Variants in ADAM19 observed in about 807,000 individuals in gnomAD.
The protein encoded by ADAM19 is disintegrin and metalloproteinase domain-containing protein 19.
Under a neutral mutation model 114.7 loss-of-function variants are expected in ADAM19, and 65 were observed. That is an observed-to-expected ratio of 0.57 (90% CI 0.46 to 0.70). The LOEUF is 0.70. Ranked by LOEUF, ADAM19 falls within the 30% of genes least tolerant of loss-of-function variation. ADAM19 has a pLI of 0.00. For missense variants in ADAM19, 1,063 were observed against 1,204.7 expected, an observed-to-expected ratio of 0.88 and a Z score of 1.74; for synonymous variants, 466 against 460.5, an observed-to-expected ratio of 1.01 and a Z score of -0.15.
chr5:157,516,174 C>G (rs954400086), intron 7 of ADAM19, among the ~76,000 whole-genome samples: 2 of 152,164 alleles, frequency 1.3e-5, no homozygotes, highest in African/African-American at 4.8e-5. Context: ...GATTCGTGAG[C>G]CTGTGAACCC....
intron 5 of ADAM19, among the ~76,000 whole-genome samples, chr5:157,528,768 A>G (rs764346292): frequency 2.6e-5 from 4 of 152,162 alleles, no homozygotes; most frequent in African/African-American, 9.7e-5. Context: ...AAAAACCCTT[A>G]TGTTTAAAAG....
At chr5:157,499,773 CTTTT>C (rs553103564) in intron 12 of ADAM19, 111 bp from the exon 13 acceptor site, 4,161 of 413,710 alleles carry the variant, frequency 0.01, 3 homozygotes, top group Middle Eastern at 0.017. Flanking sequence ...GCAACTATCT[CTTTT>C]TTTTTTTTTT....
chr5:157,507,801 T>C (rs1220861143), intron 9 of ADAM19, among the ~76,000 whole-genome samples: 1 of 152,032 alleles, frequency 6.6e-6, no homozygotes, highest in African/African-American at 2.4e-5. Context: ...AATACATCCC[T>C]CTTTCAGTTA....
At chr5:157,500,886 CCA>C (rs563460188) in intron 12 of ADAM19, among the ~76,000 whole-genome samples, 75 of 152,288 alleles carry the variant, frequency 4.9e-4, no homozygotes, top group African/African-American at 1.7e-3. Context: ...ACAGATCTCT[CCA>C]CCACAGCCTT....
chr5:157,489,107 G>A lies in ADAM19; in HGVS notation c.2320C>T (p.Arg774Ter), dbSNP rs1240821043. ...CAGTGGTGCAAAGCTCTTACCTTTCGCTTGCCCTGGGGCGTCTGCAGCTTG... is the reference window on the plus strand; with the variant it reads ...CAGTGGTGCAAAGCTCTTACCTTTCACTTGCCCTGGGGCGTCTGCAGCTTG... ...TFKLQTPQGK[R>*]KVINTPEILR... Residue 774 changes from arginine (R) to a stop codon, truncating the protein, a stop_gained, in exon 20 of 23, where the codon CGA (arginine) becomes TGA (stop). Coordinates refer to ENST00000257527, the MANE Select transcript of ADAM19 (RefSeq NM_033274.5). LOFTEE classifies it high-confidence loss of function. 6 of 1,613,756 alleles carry A rather than the reference G, an allele frequency of 3.7e-6. No homozygotes were observed. Among genetic ancestry groups the A allele is most frequent in the African/African-American group, 1.3e-5 (1 of 75,010 alleles).
At chr5:157,510,007 C>T (rs1044416921) in intron 8 of ADAM19, among the ~76,000 whole-genome samples, 1 of 152,230 alleles carries the variant, frequency 6.6e-6, no homozygotes, top group East Asian at 1.9e-4. Context: ...CTGTCTGGTA[C>T]AATTTTTTTC....
rs1410419504 is a variant in ADAM19 at position 157,477,917 on chromosome 5, G to A, written c.*3032C>T. On this transcript the variant is annotated 3_prime_UTR_variant, in exon 23 of 23. Transcript: ENST00000257527. ...GACCTTAAGATCTGCAAGTGTCTCA[G>A]AGCTGGGGCAGAAAAAGGCTTTACT... 1.2e-5 allele frequency: 4 copies of A among 332,202 alleles called. No individual in the cohort carries two copies. Among genetic ancestry groups the A allele is most frequent in the Non-Finnish European group, 1.8e-5 (3 of 169,130 alleles). The allele number at this position is 332,202 out of a possible 1,614,324, so 20.6% of individuals were successfully genotyped here. A position where few individuals can be genotyped will look rare whatever the true frequency, so the allele number is the denominator to read the frequency against.
rs757945861 is a variant in ADAM19 at position 157,479,102 on chromosome 5, C to A, written c.*1847G>T. The A allele has an allele frequency of 6.1e-6, 6 of 985,724 alleles. No homozygotes were observed. The highest frequency in any genetic ancestry group is 4.7e-5 in the South Asian group (1 of 21,282). The allele number at this position is 985,724 out of a possible 1,614,324, so 61.1% of individuals were successfully genotyped here. A position where few individuals can be genotyped will look rare whatever the true frequency, so the allele number is the denominator to read the frequency against. ...GCCACAGGAAAGGTGGGGAATGGATCTCCACAGCAAGGATGACCCACAGCA... is the reference window on the plus strand; with the variant it reads ...GCCACAGGAAAGGTGGGGAATGGATATCCACAGCAAGGATGACCCACAGCA... On this transcript the variant is annotated 3_prime_UTR_variant, in exon 23 of 23. Coordinates refer to ENST00000257527, the MANE Select transcript of ADAM19 (RefSeq NM_033274.5).
At chr5:157,489,342 TCCTAAGTAGAAA>T (rs1561841909) in intron 19 of ADAM19, among the ~76,000 whole-genome samples, 156 bp from the exon 20 acceptor site, 2 of 152,140 alleles carry the variant, frequency 1.3e-5, no homozygotes, top group Non-Finnish European at 2.9e-5. Flanking sequence ...AACCACATCT[TCCTAAGTAGAAA>T]AACGTGTGGC....
rs1561841733 is a variant in ADAM19 at position 157,489,136 on chromosome 5, G to T, written c.2291C>A (p.Thr764Asn). The change falls in exon 20 of 23, where the codon ACT becomes AAT. Residue 764 changes from threonine to asparagine, a missense_variant. By Grantham distance (65) the Thr-to-Asn change is moderately conservative (BLOSUM62 0). This residue lies in a region of ADAM19 where 424 missense variants were observed against 445.5 expected (regional missense o/e 0.95). Coordinates refer to ENST00000257527, the MANE Select transcript of ADAM19 (RefSeq NM_033274.5). ...GCCCTGGGGCGTCTGCAGCTTGAAAGTTGGGTTGGCATGACCAGTCCCGCT... is the reference window on the plus strand; with the variant it reads ...GCCCTGGGGCGTCTGCAGCTTGAAATTTGGGTTGGCATGACCAGTCCCGCT... ...QNSGTGHANP[T>N]FKLQTPQGKR... The T allele has an allele frequency of 1.2e-6, 2 of 1,614,080 alleles. No individual in the cohort carries two copies. The highest frequency in any genetic ancestry group is 2.2e-5 in the East Asian group (1 of 44,898).
intron 5 of ADAM19, among the ~76,000 whole-genome samples, chr5:157,528,955 T>C (rs1329927171): frequency 1.3e-5 from 2 of 152,142 alleles, no homozygotes; most frequent in African/African-American, 2.4e-5. Flanking sequence ...ATTGAATGAA[T>C]GAAGCAATCA....
chr5:157,505,562 A>G lies in ADAM19; in HGVS notation c.1130+107T>C, dbSNP rs1755715533. The G allele has an allele frequency of 8.4e-6, 11 of 1,309,864 alleles. No homozygotes were observed. The South Asian group carries it at 1.9e-4, about 22-fold the overall frequency. The allele number at this position is 1,309,864 out of a possible 1,614,324, so 81.1% of individuals were successfully genotyped here. On this transcript the variant is annotated intron_variant, in intron 11 of 22. Coordinates refer to ENST00000257527, the MANE Select transcript of ADAM19 (RefSeq NM_033274.5). ...AAAAACTACATTTTTTGGCCCCATC[A>G]GAAGTTTAAGGGAGTCTCAGTGGGG... is the stretch of plus-strand genomic sequence containing the variant.
chr5:157,520,907 A>T (rs1756268346), intron 5 of ADAM19, among the ~76,000 whole-genome samples: 1 of 152,222 alleles, frequency 6.6e-6, no homozygotes, highest in African/African-American at 2.4e-5. Flanking sequence ...AGAAACTCAC[A>T]GTCCTCTGGA....
At chr5:157,537,370 G>A (rs549334802) in intron 4 of ADAM19, among the ~76,000 whole-genome samples, 30 of 152,202 alleles carry the variant, frequency 2.0e-4, no homozygotes, top group African/African-American at 6.3e-4. Context: ...TTGACATTGC[G>A]TAAACATCCC....
chr5:157,564,955 A>G (rs1029006090), intron 2 of ADAM19, among the ~76,000 whole-genome samples: 1 of 152,212 alleles, frequency 6.6e-6, no homozygotes, highest in African/African-American at 2.4e-5. Flanking sequence ...GCCATGATAC[A>G]TATTGCCTAT....
chr5:157,498,854 T>G (rs1200434660), intron 13 of ADAM19, among the ~76,000 whole-genome samples: 5 of 151,976 alleles, frequency 3.3e-5, no homozygotes, highest in Non-Finnish European at 7.4e-5. Context: ...TAGGAGTGAT[T>G]TTTTTTTAAA....
intron 3 of ADAM19, among the ~76,000 whole-genome samples, chr5:157,556,069 T>C (rs192573921): frequency 5.3e-5 from 8 of 152,098 alleles, no homozygotes; most frequent in Admixed American, 4.6e-4. Flanking sequence ...TGAGACGGAG[T>C]CTCGCTCTGT....
At chr5:157,506,561 T>C (rs1755748520) in intron 10 of ADAM19, among the ~76,000 whole-genome samples, 1 of 152,170 alleles carries the variant, frequency 6.6e-6, no homozygotes, top group South Asian at 2.1e-4. Context: ...GACAGACAAA[T>C]AGATGAAGAC....
In ADAM19 at chr5:157,496,897, G is replaced by T; in HGVS notation, c.1591C>A (p.Pro531Thr). The T allele has an allele frequency of 6.4e-7, 1 of 1,574,394 alleles. No homozygotes were observed. The highest frequency in any genetic ancestry group is 8.6e-7 in the Non-Finnish European group (1 of 1,162,520). The change falls in exon 14 of 23, where the codon CCC (proline) becomes ACC (threonine). Residue 531 changes from proline (P) to threonine (T), a missense_variant. Physicochemically the swap from Pro to Thr is conservative, Grantham distance 38 (BLOSUM62 -1). This residue lies in a region of ADAM19 where 615 missense variants were observed against 706.3 expected (regional missense o/e 0.87). Coordinates refer to ENST00000257527, the MANE Select transcript of ADAM19 (RefSeq NM_033274.5). ...GTGCTCCCCAGGAGAGCCTTACCGG[G>T]TCCCCACAGCTGCTGGCACTGCTCC... is the stretch of plus-strand genomic sequence containing the variant. ...YQEQCQQLWG[P>T]GARPAPDLCF...
Sources: allele counts gnomAD v4.1 joint callset (sites outside exome capture counted in the v4.1 genomes callset), GRCh38; gene constraint gnomAD v4.1.1; regional missense constraint gnomAD v4.1.1; transcripts MANE v1.5; gene names NCBI Gene and HGNC (gene_info 2026-07-23, HGNC 2026-07-21).